ELF2: variants seen among roughly 807,000 people sequenced by gnomAD.
ELF2 encodes the protein ETS-related transcription factor Elf-2.
Under a neutral mutation model 54.8 loss-of-function variants are expected in ELF2, and 11 were observed. That is an observed-to-expected ratio of 0.20 (90% CI 0.13 to 0.33). The LOEUF (loss-of-function observed/expected upper bound fraction) is 0.33, where lower values mean the gene tolerates loss of function less well. Among genes scored for constraint, ELF2 ranks in the 10% least tolerant of loss-of-function variants. The pLI, the probability that ELF2 is intolerant of heterozygous loss-of-function variation, is 1.00. For missense variants in ELF2, 513 were observed against 703.0 expected, an observed-to-expected ratio of 0.73 and a Z score of 3.06; for synonymous variants, 203 against 245.1, an observed-to-expected ratio of 0.83 and a Z score of 1.61.
chr4:139,072,279 T>C (rs1729622878), intron 5 of ELF2: 1 of 412,152 alleles, frequency 2.4e-6, no homozygotes, highest in African/African-American at 2.1e-5. Flanking sequence ...GCAAGGATCA[T>C]GAGTAGTCAC....
At chr4:139,105,339 A>G (rs1020342449) in intron 4 of ELF2, among the ~76,000 whole-genome samples, 1 of 152,220 alleles carries the variant, frequency 6.6e-6, no homozygotes, top group Admixed American at 6.5e-5. Flanking sequence ...TCTTGTCTAC[A>G]TTGTAGCCCC....
chr4:139,067,482 G>GA (rs1728877270), intron 7 of ELF2: 4 of 523,034 alleles, frequency 7.6e-6, no homozygotes, highest in Non-Finnish European at 1.4e-5. Flanking sequence ...TATGGTTACA[G>GA]AATCTCTGTG....
intron 1 of ELF2, among the ~76,000 whole-genome samples, chr4:139,170,670 A>AG (rs898133597): frequency 1.3e-5 from 2 of 149,648 alleles, no homozygotes; most frequent in African/African-American, 4.9e-5. Context: ...AAAAAAAAAA[A>AG]CTTCTTATAA....
chr4:139,151,036 G>GAAAAGAAAAGAAAAGAAAAGA (rs1205361498), intron 1 of ELF2, among the ~76,000 whole-genome samples: 4 of 30,146 alleles, frequency 1.3e-4, no homozygotes, highest in African/African-American at 2.4e-4. Flanking sequence ...AAAAAAAAAA[G>GAAAAGAAAAGAAAAGAAAAGA]AAAGAAAGAA....
chr4:139,097,931 T>C (rs1340560033), intron 4 of ELF2, among the ~76,000 whole-genome samples: 2 of 152,150 alleles, frequency 1.3e-5, no homozygotes, highest in Admixed American at 6.5e-5. Flanking sequence ...CTTGCCTGGC[T>C]TCAAGTGATC....
chr4:139,077,384 G>T (rs1270591106), intron 4 of ELF2, among the ~76,000 whole-genome samples: 1 of 152,088 alleles, frequency 6.6e-6, no homozygotes, highest in East Asian at 1.9e-4. Context: ...AACTTACTTT[G>T]TAAGTTACAA....
At chr4:139,174,206 T>TAAAA (rs1222397912) in intron 1 of ELF2, among the ~76,000 whole-genome samples, 64 of 93,294 alleles carry the variant, frequency 6.9e-4, no homozygotes, top group Middle Eastern at 0.018. Context: ...GACTCCATCT[T>TAAAA]AAAAAAAAAA....
intron 3 of ELF2, among the ~76,000 whole-genome samples, chr4:139,135,682 G>A (rs567526189): frequency 2.6e-5 from 4 of 152,244 alleles, no homozygotes; most frequent in Admixed American, 1.3e-4. Context: ...GGCCACTTAC[G>A]TAGCATAAAC....
intron 1 of ELF2, among the ~76,000 whole-genome samples, chr4:139,143,197 A>T (rs976743946): frequency 1.3e-5 from 2 of 152,140 alleles, no homozygotes; most frequent in East Asian, 3.9e-4. Context: ...CCATCCCCCA[A>T]CTCGAGGGTA....
At chr4:139,112,702 ATTT>A (rs893709230) in intron 4 of ELF2, among the ~76,000 whole-genome samples, 1 of 151,728 alleles carries the variant, frequency 6.6e-6, no homozygotes, top group African/African-American at 2.4e-5. Context: ...TATAGCAAAA[ATTT>A]TTTTTTAATT....
At chr4:139,114,561 T>TCCAGTCTCACTCACACACACACACA (rs70940492) in intron 4 of ELF2, among the ~76,000 whole-genome samples, 5 of 108,636 alleles carry the variant, frequency 4.6e-5, no homozygotes, top group African/African-American at 1.8e-4. Context: ...GACTTCAGTC[T>TCCAGTCTCACTCACACACACACACA]CACACACACA....
chr4:139,133,190 GGA>G (rs1340862986), intron 3 of ELF2, among the ~76,000 whole-genome samples: 1 of 152,076 alleles, frequency 6.6e-6, no homozygotes, highest in Non-Finnish European at 1.5e-5. Flanking sequence ...GAAAATGCTG[GGA>G]TTACAGGCGT....
chr4:139,092,409 TA>T (rs1215293738), intron 4 of ELF2, among the ~76,000 whole-genome samples: 34 of 82,640 alleles, frequency 4.1e-4, no homozygotes, highest in African/African-American at 1.4e-3. Context: ...TAACATAACA[TA>T]ACATACATAA....
intron 4 of ELF2, 146 bp from the exon 5 acceptor site, chr4:139,073,713 T>C: frequency 2.5e-6 from 1 of 403,696 alleles, no homozygotes; most frequent in Non-Finnish European, 4.4e-6. Flanking sequence ...AAGCCATTGA[T>C]ATCTATTCGT....
intron 1 of ELF2, among the ~76,000 whole-genome samples, chr4:139,144,043 A>G (rs1320492583): frequency 6.6e-6 from 1 of 151,922 alleles, no homozygotes; most frequent in Admixed American, 6.6e-5. Flanking sequence ...GTGGGTAAAG[A>G]CTCAAACTGT....
At chr4:139,175,802 T>C (rs1354132791) in intron 1 of ELF2, among the ~76,000 whole-genome samples, 1 of 152,166 alleles carries the variant, frequency 6.6e-6, no homozygotes, top group Non-Finnish European at 1.5e-5. Context: ...TTTTTAACAG[T>C]TTTACAATGA....
intron 4 of ELF2, among the ~76,000 whole-genome samples, chr4:139,113,454 G>A (rs547056162): frequency 1.3e-5 from 2 of 152,292 alleles, no homozygotes; most frequent in African/African-American, 4.8e-5. Flanking sequence ...CCAACTACTA[G>A]GGAGGCTGAG....
At chr4:139,144,541 G>A (rs1486749721) in intron 1 of ELF2, among the ~76,000 whole-genome samples, 1 of 148,028 alleles carries the variant, frequency 6.8e-6, no homozygotes, top group Non-Finnish European at 1.5e-5. Flanking sequence ...TGTAACCACA[G>A]ACACAGAAGT....
Position 139,135,243 on chromosome 4 carries a change from G to C in ELF2, c.72+2387C>G, listed in dbSNP as rs1242728672. ...TACATATACTACTATATATATGTGTGTGTGTGTGTGTGTGTGTGTGTGTGT... is the reference window on the plus strand; with the variant it reads ...TACATATACTACTATATATATGTGTCTGTGTGTGTGTGTGTGTGTGTGTGT... On this transcript the variant is annotated intron_variant, in intron 3 of 9. Coordinates refer to ENST00000686138, the MANE Select transcript of ELF2 (RefSeq NM_001331036.3). Among the ~76,000 whole-genome samples the C allele has an allele frequency of 4.5e-5, 3 of 66,644 alleles. No individual in the cohort carries two copies. The East Asian group carries it at 1.1e-3, about 24-fold the overall frequency. 43.7% of individuals were successfully genotyped at this position (66,644 alleles called of 152,430 possible).
Sources: allele counts gnomAD v4.1 joint callset (sites outside exome capture counted in the v4.1 genomes callset), GRCh38; gene constraint gnomAD v4.1.1; transcripts MANE v1.5; gene names NCBI Gene and HGNC (gene_info 2026-07-23, HGNC 2026-07-21).